SLMAP: variants seen among roughly 807,000 people sequenced by gnomAD.
SLMAP encodes the protein sarcolemmal membrane-associated protein.
Under a neutral mutation model 128.8 loss-of-function variants are expected in SLMAP, and 44 were observed. The observed-to-expected ratio is 0.34, with a 90% CI of 0.27 to 0.44. The LOEUF is 0.44. Ranked by LOEUF, SLMAP falls within the 20% of genes least tolerant of loss-of-function variation. The pLI is 1.00. For missense variants in SLMAP, 787 were observed against 985.3 expected, an observed-to-expected ratio of 0.80 and a Z score of 2.69; for synonymous variants, 327 against 348.8, an observed-to-expected ratio of 0.94 and a Z score of 0.70.
At chr3:57,877,013 G>A (rs1381012) in intron 14 of SLMAP, among the ~76,000 whole-genome samples, 133,712 of 152,148 alleles carry the variant, frequency 0.88, 59,112 homozygotes, top group East Asian at 1. Flanking sequence ...TCAGTGCCCT[G>A]AAGTAGACCT....
At chr3:57,862,151 G>C (rs1004232965) in intron 10 of SLMAP, 65 bp downstream of exon 10, 2 of 1,334,996 alleles carry the variant, frequency 1.5e-6, no homozygotes, top group East Asian at 4.8e-5. Flanking sequence ...GATAGCTTAA[G>C]ATTTTAGGTA....
At chr3:57,921,210 A>G (rs2096911314) in intron 22 of SLMAP, among the ~76,000 whole-genome samples, 1 of 152,222 alleles carries the variant, frequency 6.6e-6, no homozygotes, top group South Asian at 2.1e-4. Flanking sequence ...TATGTTTCAC[A>G]TTGGTCTCAC....
intron 5 of SLMAP, among the ~76,000 whole-genome samples, chr3:57,848,700 C>T (rs1170320020): frequency 1.5e-5 from 2 of 137,014 alleles, no homozygotes; most frequent in Non-Finnish European, 3.1e-5. Flanking sequence ...TTTCTTCCTC[C>T]TCCTACTCCT....
chr3:57,869,630 T>TTATATATACA lies in SLMAP; in HGVS notation c.1238-1998_1238-1997insCATATATATA, dbSNP rs1553900190. 6.6e-5 allele frequency among the ~76,000 whole-genome samples: 5 copies of TTATATATACA among 75,466 alleles called. No homozygotes were observed. In the South Asian group the frequency reaches 1.8e-3, roughly 28 times the overall value. 49.5% of individuals were successfully genotyped at this position (75,466 alleles called of 152,430 possible). On this transcript the variant is annotated intron_variant, in intron 13 of 24. Coordinates refer to ENST00000671191, the MANE Select transcript of SLMAP (RefSeq NM_001377540.1). Reference sequence around the variant, plus strand: ...ACAACATAGCAAGATCCCATCTCTATTATATATATATATATATATATATAT... The same window carrying TTATATATACA: ...ACAACATAGCAAGATCCCATCTCTATTATATATACATATATATATATATATATATATATAT...
At chr3:57,853,377 G>T (rs1283913600) in intron 6 of SLMAP, among the ~76,000 whole-genome samples, 1 of 152,188 alleles carries the variant, frequency 6.6e-6, no homozygotes, top group African/African-American at 2.4e-5. Context: ...TATCAAGGAT[G>T]TGGAGAGCAA....
intron 2 of SLMAP, among the ~76,000 whole-genome samples, chr3:57,821,485 C>A (rs1474982190): frequency 6.6e-6 from 1 of 152,140 alleles, no homozygotes; most frequent in East Asian, 1.9e-4. Flanking sequence ...TTCAGTGGCA[C>A]AATTAAAAAT....
chr3:57,848,993 G>A (rs541555110), intron 5 of SLMAP, among the ~76,000 whole-genome samples: 1 of 152,004 alleles, frequency 6.6e-6, no homozygotes, highest in East Asian at 1.9e-4. Flanking sequence ...ACAGGCGTGA[G>A]CCACCGTACC....
chr3:57,862,249 C>T (rs890015591), intron 10 of SLMAP, among the ~76,000 whole-genome samples, 163 bp downstream of exon 10: 1 of 151,766 alleles, frequency 6.6e-6, no homozygotes, highest in Non-Finnish European at 1.5e-5. Context: ...ACCCAGGAGA[C>T]GGAGGTTGCA....
At chr3:57,868,796 AT>A (rs2095377206) in intron 13 of SLMAP, among the ~76,000 whole-genome samples, 1 of 9,736 alleles carries the variant, frequency 1.0e-4, no homozygotes, top group African/African-American at 5.9e-4. Context: ...AACTAATGGA[AT>A]ATATATATAT....
chr3:57,837,867 A>G (rs560079744), intron 3 of SLMAP, among the ~76,000 whole-genome samples: 1 of 152,366 alleles, frequency 6.6e-6, no homozygotes, highest in East Asian at 1.9e-4. Flanking sequence ...GCATGTGTGT[A>G]TCTGGTTGTC....
intron 2 of SLMAP, among the ~76,000 whole-genome samples, chr3:57,816,129 G>T (rs2091824917): frequency 7.0e-6 from 1 of 142,972 alleles, no homozygotes; most frequent in African/African-American, 2.9e-5. Context: ...AACCGTTTGT[G>T]TTTGTTTGTT....
At chr3:57,871,274 A>G (rs1173715683) in intron 13 of SLMAP, among the ~76,000 whole-genome samples, 1 of 152,222 alleles carries the variant, frequency 6.6e-6, no homozygotes, top group African/African-American at 2.4e-5. Flanking sequence ...GGAGTATGAT[A>G]GAACAATCAC....
At chr3:57,830,850 TCTTTTA>T (rs2093293327) in intron 2 of SLMAP, among the ~76,000 whole-genome samples, 1 of 152,244 alleles carries the variant, frequency 6.6e-6, no homozygotes, top group South Asian at 2.1e-4. Context: ...GTGACTGACT[TCTTTTA>T]CTTCACATAA....
chr3:57,757,895 T>C (rs749808646), intron 2 of SLMAP, 46 bp downstream of exon 2: 3 of 1,580,016 alleles, frequency 1.9e-6, no homozygotes, highest in Non-Finnish European at 2.6e-6. Context: ...CAAACTTTTT[T>C]TCCCCTTTTG....
At chr3:57,812,150 C>T (rs955902898) in intron 2 of SLMAP, among the ~76,000 whole-genome samples, 22 of 152,138 alleles carry the variant, frequency 1.4e-4, no homozygotes, top group African/African-American at 4.3e-4. Flanking sequence ...ACTGCCAAAT[C>T]CAATGTTGTG....
intron 5 of SLMAP, among the ~76,000 whole-genome samples, 166 bp downstream of exon 5, chr3:57,847,399 A>G (rs1232541594): frequency 3.3e-5 from 5 of 152,208 alleles, no homozygotes; most frequent in Non-Finnish European, 7.4e-5. Context: ...CAATATCTGG[A>G]GAATCTAAGA....
At chr3:57,789,700 A>G (rs1362214265) in intron 2 of SLMAP, among the ~76,000 whole-genome samples, 4 of 152,364 alleles carry the variant, frequency 2.6e-5, no homozygotes, top group South Asian at 4.1e-4. Flanking sequence ...TGGAAATGTT[A>G]AAACTCTGTA....
intron 15 of SLMAP, among the ~76,000 whole-genome samples, chr3:57,893,142 CT>C (rs1026637723): frequency 2.0e-5 from 3 of 151,968 alleles, no homozygotes; most frequent in Non-Finnish European, 4.4e-5. Flanking sequence ...TAGATATATG[CT>C]TTCAATCATC....
At chr3:57,848,347 TTTTA>T (rs2094355066) in intron 5 of SLMAP, among the ~76,000 whole-genome samples, 1 of 151,446 alleles carries the variant, frequency 6.6e-6, no homozygotes, top group Admixed American at 6.6e-5. Context: ...TGTTTCTTCC[TTTTA>T]CTTTCTTCTT....
Sources: gnomAD v4.1 joint callset for allele counts (sites outside exome capture counted in the v4.1 genomes callset) on GRCh38, gnomAD v4.1.1 for gene constraint, MANE v1.5 for transcripts, NCBI Gene and HGNC (gene_info 2026-07-23, HGNC 2026-07-21) for gene names.